Variants in ADAM10 observed in about 807,000 individuals in gnomAD.
ADAM10 encodes ADAM metallopeptidase domain 10.
Under a neutral mutation model 90.1 loss-of-function variants are expected in ADAM10, and 17 were observed. The observed-to-expected ratio is 0.19, with a 90% CI of 0.13 to 0.28. The LOEUF (loss-of-function observed/expected upper bound fraction) is 0.28. Ranked by LOEUF, ADAM10 falls within the 10% of genes least tolerant of loss-of-function variation. The probability of loss-of-function intolerance (pLI) is 1.00; values close to 1 mark genes in which losing one functional copy is unlikely to be tolerated. For missense variants in ADAM10, 610 were observed against 914.3 expected, an observed-to-expected ratio of 0.67 and a Z score of 4.29; for synonymous variants, 310 against 298.6, an observed-to-expected ratio of 1.04 and a Z score of -0.40.
In ADAM10 at chr15:58,606,910, C is replaced by G. The variant is rs1285287035; in HGVS notation, c.2025+3387G>C. ...ACATTTGAGGTTTTGTGGGGCCATA[C>G]AGTCACTGTTGCAGCTACTCAAAGT... On this transcript the variant is annotated intron_variant, in intron 14 of 15. Transcript: ENST00000260408. Among the ~76,000 whole-genome samples the G allele has an allele frequency of 5.3e-5, 8 of 152,320 alleles. No individual in the cohort carries two copies. In the South Asian group the frequency reaches 1.0e-3, roughly 20 times the overall value.
At chr15:58,657,167 G>A (rs189999508) in intron 5 of ADAM10, among the ~76,000 whole-genome samples, 207 of 152,160 alleles carry the variant, frequency 1.4e-3, no homozygotes, top group African/African-American at 4.8e-3. Flanking sequence ...CCTTGAGTTA[G>A]TCTTCATTGG....
At chr15:58,701,142 GA>G (rs1274811967) in intron 2 of ADAM10, among the ~76,000 whole-genome samples, 9 of 142,230 alleles carry the variant, frequency 6.3e-5, no homozygotes, top group East Asian at 2.1e-4. Context: ...TGCTAATCAA[GA>G]AAAAAAAACA....
Position 58,746,362 on chromosome 15 carries a change from C to G in ADAM10, c.55+3118G>C, listed in dbSNP as rs139114078. On this transcript the variant is annotated intron_variant, in intron 1 of 15. Transcript: ENST00000260408. ...AATACACATCCTTGAAGATCTTAAA[C>G]AAGTTACTAAAAGCACATCAGAGAA... Among the ~76,000 whole-genome samples the G allele has an allele frequency of 8.3e-4, 126 of 152,198 alleles. No homozygotes were observed. The East Asian group carries it at 0.018, about 22-fold the overall frequency.
chr15:58,729,448 T>C (rs1192327330), intron 1 of ADAM10, among the ~76,000 whole-genome samples: 1 of 152,210 alleles, frequency 6.6e-6, no homozygotes, highest in Non-Finnish European at 1.5e-5. Context: ...TGCAGAATCC[T>C]AGGCTCCCAG....
At chr15:58,640,992 T>G (rs774552887) in intron 7 of ADAM10, 32 bp from the exon 8 acceptor site, 2 of 1,587,386 alleles carry the variant, frequency 1.3e-6, no homozygotes, top group Non-Finnish European at 1.7e-6. Flanking sequence ...TAGTAAGTAA[T>G]TAATGTTAGC....
chr15:58,664,141 T>C (rs1278072257), intron 5 of ADAM10, among the ~76,000 whole-genome samples: 1 of 152,078 alleles, frequency 6.6e-6, no homozygotes, highest in Non-Finnish European at 1.5e-5. Context: ...AGTCTTTCCA[T>C]ATCCTCATGG....
chr15:58,645,995 A>G, intron 6 of ADAM10, 60 bp downstream of exon 6: 2 of 1,578,178 alleles, frequency 1.3e-6, no homozygotes, highest in Non-Finnish European at 1.7e-6. Context: ...TTTTTAAAGG[A>G]AAGAATAGGC....
intron 9 of ADAM10, among the ~76,000 whole-genome samples, chr15:58,628,100 C>T (rs1895998675): frequency 6.6e-6 from 1 of 152,088 alleles, no homozygotes; most frequent in Non-Finnish European, 1.5e-5. Context: ...GAGGTCTAGC[C>T]ATAACAATTT....
At chr15:58,739,520 A>AAAATAAAT (rs1192854074) in intron 1 of ADAM10, among the ~76,000 whole-genome samples, 1 of 151,814 alleles carries the variant, frequency 6.6e-6, no homozygotes, top group Admixed American at 6.5e-5. Context: ...CCGTCTCAAA[A>AAAATAAAT]AAATAAATAA....
chr15:58,692,858 T>C (rs780098222), intron 2 of ADAM10: 13 of 668,998 alleles, frequency 1.9e-5, no homozygotes, highest in African/African-American at 8.9e-5. Context: ...AAAGCCTCCA[T>C]AAATGCTTCA....
chr15:58,731,245 ACTGAGTACTATGCTGAAT>A (rs1899226268), intron 1 of ADAM10, among the ~76,000 whole-genome samples: 1 of 152,222 alleles, frequency 6.6e-6, no homozygotes, highest in Non-Finnish European at 1.5e-5. Context: ...TTTGCTGTAC[ACTGAGTACTATGCTGAAT>A]CCACACAAAT....
chr15:58,700,330 A>G (rs931834231), intron 2 of ADAM10, among the ~76,000 whole-genome samples: 1 of 152,234 alleles, frequency 6.6e-6, no homozygotes, highest in East Asian at 1.9e-4. Flanking sequence ...AGGATAGACC[A>G]TATGTTAGGA....
chr15:58,616,137 A>G (rs1895606655), intron 11 of ADAM10, among the ~76,000 whole-genome samples: 1 of 152,212 alleles, frequency 6.6e-6, no homozygotes, highest in South Asian at 2.1e-4. Flanking sequence ...CATAAAGCAA[A>G]TACTATTAGA....
intron 1 of ADAM10, among the ~76,000 whole-genome samples, chr15:58,721,154 A>T (rs28489732): frequency 0.14 from 21,213 of 152,200 alleles, 1,751 homozygotes; most frequent in South Asian, 0.32. Flanking sequence ...CTACTGGGAG[A>T]GTTATTAAAC....
chr15:58,642,562 A>C (rs1260608030), intron 7 of ADAM10, among the ~76,000 whole-genome samples: 1 of 152,184 alleles, frequency 6.6e-6, no homozygotes, highest in Non-Finnish European at 1.5e-5. Flanking sequence ...GGTTATGAAC[A>C]ATCTTCAACA....
chr15:58,589,165 C>T lies in ADAM10; in HGVS notation c.*8382G>A, dbSNP rs1245089086. On this transcript the variant is annotated 3_prime_UTR_variant, in exon 16 of 16. Coordinates refer to ENST00000260408, the MANE Select transcript of ADAM10 (RefSeq NM_001110.4). Reference sequence around the variant, plus strand: ...AACAAAACAAATGTTTATTGAACACCTACTATAGCCAAGCTCAAGGAAATG... The same window carrying T: ...AACAAAACAAATGTTTATTGAACACTTACTATAGCCAAGCTCAAGGAAATG... 3 of 152,128 alleles carry T rather than the reference C, an allele frequency of 2.0e-5. No homozygotes were observed. Among genetic ancestry groups the T allele is most frequent in the Non-Finnish European group, 4.4e-5 (3 of 68,036 alleles). The allele number at this position is 152,128 out of a possible 1,614,324, so 9.4% of individuals were successfully genotyped here.
chr15:58,648,456 G>A (rs1370853601), intron 5 of ADAM10, among the ~76,000 whole-genome samples: 1 of 152,078 alleles, frequency 6.6e-6, no homozygotes, highest in Non-Finnish European at 1.5e-5. Flanking sequence ...TTAGCTAATG[G>A]TGAAGTTTTA....
chr15:58,676,586 A>C (rs1462690369), intron 4 of ADAM10, among the ~76,000 whole-genome samples: 1 of 152,222 alleles, frequency 6.6e-6, no homozygotes, highest in African/African-American at 2.4e-5. Context: ...GAAAAAATCA[A>C]AAGAATGATA....
rs538472698 is a variant in ADAM10 at position 58,614,997 on chromosome 15, G to A, written c.1512-3006C>T. On this transcript the variant is annotated intron_variant, in intron 11 of 15. Coordinates refer to ENST00000260408, the MANE Select transcript of ADAM10 (RefSeq NM_001110.4). The stretch of plus-strand genomic sequence containing the variant: ...AAAACAAAACAAAACAAAAACAGCC[G>A]GGTGCAGTGGCTCACGCCTGTAATC... 2.6e-5 allele frequency among the ~76,000 whole-genome samples: 4 copies of A among 152,188 alleles called. No individual in the cohort carries two copies. In the South Asian group the frequency reaches 6.2e-4, roughly 24 times the overall value.
Sources: gnomAD v4.1 joint callset for allele counts (sites outside exome capture counted in the v4.1 genomes callset) on GRCh38, gnomAD v4.1.1 for gene constraint, MANE v1.5 for transcripts, NCBI Gene and HGNC (gene_info 2026-07-23, HGNC 2026-07-21) for gene names.